The following DOCK1 variants were observed in gnomAD, a reference collection of about 807,000 sequenced individuals.
The protein encoded by DOCK1 is dedicator of cytokinesis 1.
In DOCK1, 138 loss-of-function variants were observed where a neutral mutation model predicts 262.7. The observed-to-expected ratio is 0.53, with a 90% confidence interval of 0.46 to 0.61. The LOEUF is 0.61. Ranked by LOEUF, DOCK1 falls within the 20% of genes least tolerant of loss-of-function variation. The pLI is 0.00. For missense variants in DOCK1, 1,908 were observed against 2,370.7 expected (o/e 0.80, Z 4.05); for synonymous variants, 866 against 867.4 (o/e 1.00, Z 0.03).
chr10:127,321,470 C>T (rs1183544849), intron 29 of DOCK1, among the ~76,000 whole-genome samples: 2 of 150,734 alleles, frequency 1.3e-5, no homozygotes, highest in Non-Finnish European at 2.9e-5. Context: ...AGTGCTCTCT[C>T]ATTGATTTCC....
intron 1 of DOCK1, among the ~76,000 whole-genome samples, chr10:126,942,000 T>G (rs1215616133): frequency 1.3e-5 from 2 of 152,072 alleles, no homozygotes; most frequent in South Asian, 2.1e-4. Flanking sequence ...GGGTGTCGGA[T>G]GTGTGTTGTC....
intron 23 of DOCK1, among the ~76,000 whole-genome samples, chr10:127,077,701 G>A (rs1157092657): frequency 1.3e-5 from 2 of 152,082 alleles, no homozygotes; most frequent in Non-Finnish European, 1.5e-5. Context: ...CCAGGTATTC[G>A]ACCCCCCAAA....
intron 4 of DOCK1, among the ~76,000 whole-genome samples, chr10:126,986,146 A>G (rs549169827): frequency 2.0e-5 from 3 of 152,068 alleles, no homozygotes; most frequent in Admixed American, 2.0e-4. Flanking sequence ...ACCCAGCCCA[A>G]AGGGTCATTC....
intron 29 of DOCK1, among the ~76,000 whole-genome samples, chr10:127,320,304 T>G (rs2062461586): frequency 6.6e-6 from 1 of 152,034 alleles, no homozygotes; most frequent in Non-Finnish European, 1.5e-5. Context: ...TTTAAAAATC[T>G]ATTTCAAGTC....
At chr10:127,429,150 G>T (rs565282349) in intron 47 of DOCK1, among the ~76,000 whole-genome samples, 3 of 151,984 alleles carry the variant, frequency 2.0e-5, no homozygotes, top group African/African-American at 7.3e-5. Flanking sequence ...ACATTGTGAG[G>T]CAGCACCGTC....
chr10:127,181,774 C>T (rs2055758920), intron 27 of DOCK1, among the ~76,000 whole-genome samples: 1 of 152,144 alleles, frequency 6.6e-6, no homozygotes, highest in Non-Finnish European at 1.5e-5. Context: ...AAAATAGAAC[C>T]TCACTCACTA....
chr10:127,383,841 C>A (rs192972152), intron 37 of DOCK1, among the ~76,000 whole-genome samples: 1 of 152,236 alleles, frequency 6.6e-6, no homozygotes, highest in African/African-American at 2.4e-5. Flanking sequence ...CCAGGCTGCC[C>A]AGTGGGAGCA....
At chr10:127,329,485 G>A (rs1373185750) in intron 29 of DOCK1, among the ~76,000 whole-genome samples, 2 of 151,742 alleles carry the variant, frequency 1.3e-5, no homozygotes, top group Admixed American at 1.3e-4. Flanking sequence ...GGGTGCTGGG[G>A]CAGAGGTCTC....
chr10:127,423,667 A>G (rs1458048079), intron 46 of DOCK1, among the ~76,000 whole-genome samples: 1 of 152,198 alleles, frequency 6.6e-6, no homozygotes, highest in Non-Finnish European at 1.5e-5. Flanking sequence ...CGAAGATGAA[A>G]GGCTGAACTC....
At chr10:127,038,310 C>A (rs150411911) in intron 19 of DOCK1, among the ~76,000 whole-genome samples, 47 of 152,262 alleles carry the variant, frequency 3.1e-4, no homozygotes, top group African/African-American at 1.0e-3. Context: ...TTTGGGGGGA[C>A]TCTCTGGGTT....
intron 46 of DOCK1, among the ~76,000 whole-genome samples, chr10:127,422,158 CTT>C (rs35535729): frequency 1.6e-5 from 1 of 61,368 alleles, no homozygotes; most frequent in African/African-American, 7.1e-5. Flanking sequence ...TTTTGTTTGT[CTT>C]TTTTTTTTTT....
In DOCK1 at chr10:127,374,065, G is replaced by A; in HGVS notation, c.3526G>A (p.Glu1176Lys). Residue 1176 changes from glutamate to lysine, a missense_variant, in exon 35 of 52, where the codon GAA becomes AAA. This residue lies in a region of DOCK1 where 518 missense variants were observed against 575.1 expected (regional missense o/e 0.90). Transcript: ENST00000623213. ...TGTATAATTATTTTTCAGCCTTCTG[G>A]AACACTGCAGGAAGCACAAATACCT... ...YKVLFDKILLEHCRKHKYLAK... is the reference protein window; with the variant it reads ...YKVLFDKILLKHCRKHKYLAK... 1.9e-6 allele frequency: 3 copies of A among 1,609,494 alleles called. No individual in the cohort carries two copies. The highest frequency in any genetic ancestry group is 2.5e-6 in the Non-Finnish European group (3 of 1,178,262).
At chr10:127,374,012 T>C in intron 34 of DOCK1, 46 bp from the exon 35 acceptor site, 1 of 1,566,696 alleles carries the variant, frequency 6.4e-7, no homozygotes, top group Non-Finnish European at 8.6e-7. Flanking sequence ...CTGTTGAGTT[T>C]CTTTTTCTGA....
chr10:127,053,184 C>T lies in DOCK1; in HGVS notation c.2336+369C>T, dbSNP rs12360315. ...GCAAAAAGTCCCAAAAGAAAAACAACAACAAAAATAGGCCGGGCGCAGTGG... is the reference window on the plus strand; with the variant it reads ...GCAAAAAGTCCCAAAAGAAAAACAATAACAAAAATAGGCCGGGCGCAGTGG... On this transcript the variant is annotated intron_variant, in intron 22 of 51. Transcript: ENST00000623213. 6.5e-3 allele frequency among the ~76,000 whole-genome samples: 984 copies of T among 152,132 alleles called. 3 individuals carry two copies. The highest frequency in any genetic ancestry group is 0.014 in the Middle Eastern group (4 of 294).
intron 23 of DOCK1, among the ~76,000 whole-genome samples, chr10:127,096,377 C>T (rs1298188420): frequency 6.6e-6 from 1 of 152,140 alleles, no homozygotes; most frequent in Non-Finnish European, 1.5e-5. Flanking sequence ...GGCTGTTTGG[C>T]TCTTCCCCAA....
intron 23 of DOCK1, among the ~76,000 whole-genome samples, chr10:127,076,304 A>T (rs555026674): frequency 1.1e-4 from 17 of 152,198 alleles, no homozygotes; most frequent in Non-Finnish European, 2.2e-4. Context: ...GATCAAGACC[A>T]TCCTGGCTAA....
chr10:127,059,059 T>C (rs1327012947), intron 22 of DOCK1, among the ~76,000 whole-genome samples: 2 of 152,192 alleles, frequency 1.3e-5, no homozygotes, highest in Non-Finnish European at 2.9e-5. Context: ...ATTTCATCTT[T>C]GTGTTTGAAA....
chr10:127,333,210 A>G (rs181461202), intron 29 of DOCK1, among the ~76,000 whole-genome samples: 4 of 152,320 alleles, frequency 2.6e-5, no homozygotes, highest in African/African-American at 7.2e-5. Context: ...GAAGTGTACA[A>G]GCTAATTATG....
chr10:127,111,474 T>C (rs546357829), intron 25 of DOCK1, among the ~76,000 whole-genome samples: 58 of 152,266 alleles, frequency 3.8e-4, no homozygotes, highest in African/African-American at 1.3e-3. Flanking sequence ...TCAAAGCACA[T>C]GACGCTCCAT....
Sources: allele counts gnomAD v4.1 joint callset (sites outside exome capture counted in the v4.1 genomes callset), GRCh38; gene constraint gnomAD v4.1.1; regional missense constraint gnomAD v4.1.1; transcripts MANE v1.5; gene names NCBI Gene and HGNC (gene_info 2026-07-23, HGNC 2026-07-21).